The following PUDP variants were observed in gnomAD, a reference collection of about 807,000 sequenced individuals.
PUDP encodes pseudouridine 5'-phosphatase, also known as pseudouridine-5'-phosphatase.
In PUDP, 8 loss-of-function variants were observed where a neutral mutation model predicts 9.4. That is an observed-to-expected ratio of 0.85 (90% CI 0.50 to 1.53). The LOEUF (loss-of-function observed/expected upper bound fraction) is 1.53. Among genes scored for constraint, PUDP ranks in the 40% most tolerant of loss-of-function variants. The probability of loss-of-function intolerance (pLI) is 0.00; values close to 1 mark genes in which losing one functional copy is unlikely to be tolerated. For missense variants in PUDP, 188 were observed against 189.7 expected (o/e 0.99, Z 0.05); for synonymous variants, 99 against 80.7 (o/e 1.23, Z -1.22).
At chrX:6,997,717 G>A (rs370798620) in intron 1 of PUDP, among the ~76,000 whole-genome samples, 4 of 111,971 alleles carry the variant, frequency 3.6e-5, no homozygotes, top group East Asian at 5.6e-4. Context: ...TGTCAAATGC[G>A]TGCCACAGAG....
In PUDP at chrX:6,815,921, C is replaced by A. The variant is rs1490056518; in HGVS notation, c.*248-109455G>T. ...CTAAACCTTCCTCGCCATTTAAACC[C>A]ATATATATGGGGCTTTATATATATG... On this transcript the variant is annotated intron_variant and NMD_transcript_variant, in intron 3 of 3. Transcript: ENST00000655425. Among the ~76,000 whole-genome samples the A allele has an allele frequency of 2.8e-5, 3 of 107,573 alleles. No homozygotes were observed. In the East Asian group the frequency reaches 8.6e-4, roughly 31 times the overall value. 93.4% of individuals were successfully genotyped at this position (107,573 alleles called of 115,157 possible).
chrX:7,133,219 G>T (rs1423228142), intron 1 of PUDP, among the ~76,000 whole-genome samples: 2 of 111,735 alleles, frequency 1.8e-5, no homozygotes, highest in African/African-American at 6.5e-5. Flanking sequence ...ACGCGGGTAG[G>T]AAGAGCCTGT....
chrX:6,867,435 AATG>A (rs759479977), intron 3 of PUDP, among the ~76,000 whole-genome samples: 6 of 110,208 alleles, frequency 5.4e-5, no homozygotes, highest in Non-Finnish European at 9.5e-5. Flanking sequence ...TGGTGATGGT[AATG>A]ATGATGGCAG....
At chrX:6,981,664 T>C (rs758420661) in intron 1 of PUDP, among the ~76,000 whole-genome samples, 6 of 111,324 alleles carry the variant, frequency 5.4e-5, no homozygotes, top group East Asian at 2.8e-4. Context: ...CTCAGCCCCA[T>C]CATTTCATAT....
At chrX:6,915,734 C>T (rs1173510431) in intron 3 of PUDP, among the ~76,000 whole-genome samples, 1 of 111,897 alleles carries the variant, frequency 8.9e-6, no homozygotes, top group Non-Finnish European at 1.9e-5. Context: ...TCAACTTATC[C>T]ATTTAAATAT....
chrX:6,991,681 A>T (rs778881537), intron 1 of PUDP, among the ~76,000 whole-genome samples: 6 of 109,153 alleles, frequency 5.5e-5, no homozygotes, highest in African/African-American at 1.7e-4. Context: ...TGTCTCAAAA[A>T]AAAAAAAAAT....
At chrX:6,866,017 C>T (rs1354600486) in intron 3 of PUDP, among the ~76,000 whole-genome samples, 1 of 111,624 alleles carries the variant, frequency 9.0e-6, no homozygotes, top group Non-Finnish European at 1.9e-5. Context: ...AACTCACAGT[C>T]TCAAGCAATC....
intron 3 of PUDP, among the ~76,000 whole-genome samples, chrX:6,970,911 C>T (rs953759856): frequency 3.6e-5 from 4 of 110,069 alleles, no homozygotes; most frequent in African/African-American, 6.6e-5. Flanking sequence ...ATTCACTGGG[C>T]GTGGTAGCAG....
chrX:6,987,923 C>T (rs1171887041), intron 1 of PUDP, among the ~76,000 whole-genome samples: 6 of 111,893 alleles, frequency 5.4e-5, no homozygotes, highest in Non-Finnish European at 1.1e-4. Context: ...ATAGGTATTA[C>T]GATCTCCATT....
intron 3 of PUDP, among the ~76,000 whole-genome samples, chrX:6,893,202 C>T (rs571150487): frequency 2.7e-5 from 3 of 111,907 alleles, no homozygotes; most frequent in African/African-American, 9.7e-5. Context: ...TGAGGAGACA[C>T]AAAATGTGAT....
At chrX:6,917,673 T>A (rs1482406045) in intron 3 of PUDP, among the ~76,000 whole-genome samples, 1 of 112,322 alleles carries the variant, frequency 8.9e-6, no homozygotes, top group Non-Finnish European at 1.9e-5. Flanking sequence ...CCTTTGTAAT[T>A]ATCATTTAAA....
intron 3 of PUDP, among the ~76,000 whole-genome samples, chrX:6,856,532 C>T (rs1486469415): frequency 8.9e-6 from 1 of 112,004 alleles, no homozygotes; most frequent in Non-Finnish European, 1.9e-5. Flanking sequence ...AAATGCACCT[C>T]GGCACACAGT....
intron 2 of PUDP, among the ~76,000 whole-genome samples, chrX:7,089,433 G>A (rs1931360876): frequency 9.0e-6 from 1 of 111,108 alleles, no homozygotes; most frequent in South Asian, 3.8e-4. Context: ...AGTCTCTCTG[G>A]CTCTGTGTAT....
chrX:6,971,395 GTTTTTTCTTTTCTC>G lies in PUDP; in HGVS notation c.*247+5724_*247+5737del, dbSNP rs1020834188. ...TTGGTTCCATATGAAATTTAAAGTA[GTTTTTTCTTTTCTC>G]TTTTTTCTTTTCTTTTTTTTTTTTT... is the stretch of plus-strand genomic sequence containing the variant. On this transcript the variant is annotated intron_variant and NMD_transcript_variant, in intron 3 of 3. Transcript: ENST00000655425. Among the ~76,000 whole-genome samples the G allele has an allele frequency of 2.8e-5, 3 of 108,339 alleles. No individual in the cohort carries two copies. The South Asian group carries it at 1.2e-3, about 43-fold the overall frequency. 94.1% of individuals were successfully genotyped at this position (108,339 alleles called of 115,157 possible).
At chrX:6,827,727 A>T (rs754153626) in intron 3 of PUDP, among the ~76,000 whole-genome samples, 2 of 112,045 alleles carry the variant, frequency 1.8e-5, no homozygotes, top group South Asian at 3.8e-4. Flanking sequence ...CCACTCTACA[A>T]TCTGAAGCCA....
At chrX:6,946,359 C>G (rs751769863) in intron 3 of PUDP, among the ~76,000 whole-genome samples, 61 of 111,909 alleles carry the variant, frequency 5.5e-4, no homozygotes, top group Non-Finnish European at 1.1e-3. Flanking sequence ...AACCACCCTG[C>G]TCAGCATAAA....
chrX:7,128,906 C>T (rs1932550272), intron 1 of PUDP, among the ~76,000 whole-genome samples: 1 of 111,653 alleles, frequency 9.0e-6, no homozygotes, highest in African/African-American at 3.3e-5. Context: ...AGCAAGAATT[C>T]GTATTTTTTA....
At chrX:6,870,870 T>C (rs7472675) in intron 3 of PUDP, among the ~76,000 whole-genome samples, 10,253 of 110,994 alleles carry the variant, frequency 0.092, 609 homozygotes, top group East Asian at 0.46. Flanking sequence ...GACCGAATCT[T>C]TCTGTTTCCC....
intron 3 of PUDP, among the ~76,000 whole-genome samples, chrX:6,900,267 A>AT (rs1204945140): frequency 2.0e-5 from 2 of 98,669 alleles, no homozygotes; most frequent in East Asian, 6.8e-4. Context: ...AAATAGAGCT[A>AT]TTTTTTTCCC....
Sources: gnomAD v4.1 joint callset for allele counts (sites outside exome capture counted in the v4.1 genomes callset) on GRCh38, gnomAD v4.1.1 for gene constraint, MANE v1.5 for transcripts, NCBI Gene and HGNC (gene_info 2026-07-23, HGNC 2026-07-21) for gene names.